The following SEPTIN9 variants were observed in gnomAD, a reference collection of about 807,000 sequenced individuals.
SEPTIN9 encodes septin-9.
Under a neutral mutation model 56.6 loss-of-function variants are expected in SEPTIN9, and 13 were observed. The ratio of observed to expected loss-of-function variants is 0.23; its 90% confidence interval spans 0.15 to 0.37. SEPTIN9 has a LOEUF of 0.37. SEPTIN9 is among the 10% of genes least tolerant of loss of function. The pLI, the probability that SEPTIN9 is intolerant of heterozygous loss-of-function variation, is 1.00. For missense variants in SEPTIN9, 650 were observed against 823.1 expected (o/e 0.79, Z 2.57); for synonymous variants, 332 against 334.1 (o/e 0.99, Z 0.07).
intron 10 of SEPTIN9, among the ~76,000 whole-genome samples, chr17:77,496,677 G>T (rs1161099746): frequency 1.3e-5 from 2 of 152,240 alleles, no homozygotes; most frequent in Non-Finnish European, 2.9e-5. Context: ...CCGAGCTTGG[G>T]CTTGTATGTA....
In SEPTIN9 at chr17:77,320,328, T is replaced by A. The variant is rs1041390598; in HGVS notation, c.76+13131T>A. The A allele has an allele frequency of 1.2e-6, 2 of 1,613,104 alleles. No homozygotes were observed. Among genetic ancestry groups the A allele is most frequent in the Non-Finnish European group, 1.7e-6 (2 of 1,179,870 alleles). On this transcript the variant is annotated intron_variant, in intron 2 of 11. Transcript: ENST00000427177. ...CCGCTGCTAAATATATCCGTAGGAATGGAGAGGGACCGGATCTCAGGTACG... is the reference window on the plus strand; with the variant it reads ...CCGCTGCTAAATATATCCGTAGGAAAGGAGAGGGACCGGATCTCAGGTACG...
rs1598460509 is a variant in SEPTIN9, at chr17:77,487,547, C to T, written c.1037C>T (p.Thr346Met). Reference sequence around the variant, plus strand: ...AAGACCATCGAGATCAAGTCCATCACGCACGGTCAGTGGCCGGGAGTGGGC... The same window carrying T: ...AAGACCATCGAGATCAAGTCCATCATGCACGGTCAGTGGCCGGGAGTGGGC... ...IPKTIEIKSI[T>M]HDIEEKGVRM... Residue 346 changes from threonine to methionine, a missense_variant, in exon 5 of 12, where the codon ACG (threonine) becomes ATG (methionine). Physicochemically the swap from Thr to Met is moderately conservative, Grantham distance 81. This residue lies in a region of SEPTIN9 where 333 missense variants were observed against 494.0 expected (regional missense o/e 0.67). Coordinates refer to ENST00000427177, the MANE Select transcript of SEPTIN9 (RefSeq NM_001113491.2). The surrounding 1 kb of genome is among the most constrained non-coding windows in gnomAD (Gnocchi z 4.3). 4 of 1,613,370 alleles carry T rather than the reference C, an allele frequency of 2.5e-6. No individual in the cohort carries two copies. The highest frequency in any genetic ancestry group is 3.4e-6 in the Non-Finnish European group (4 of 1,179,836).
At chr17:77,466,523 G>A (rs1397471256) in intron 3 of SEPTIN9, 56 of 985,380 alleles carry the variant, frequency 5.7e-5, no homozygotes, top group Non-Finnish European at 6.4e-5. Context: ...AGGAAGAAGC[G>A]GGCATTTCTT....
rs147352244 is a variant in SEPTIN9, at chr17:77,353,545, A to C, written c.76+46348A>C. 3.6e-3 allele frequency among the ~76,000 whole-genome samples: 550 copies of C among 152,246 alleles called. 1 individual carries two copies. The highest frequency in any genetic ancestry group is 6.8e-3 in the Middle Eastern group (2 of 294). On this transcript the variant is annotated intron_variant, in intron 2 of 11. Transcript: ENST00000427177. ...TTCAGGAGTGCATAGAAGGGACCTC[A>C]GAGGTCCCTGCCAATACCATCTTTG...
intron 3 of SEPTIN9, among the ~76,000 whole-genome samples, chr17:77,481,649 T>C (rs1420754658): frequency 2.1e-4 from 32 of 150,898 alleles, no homozygotes; most frequent in Admixed American, 2.1e-3. Context: ...GGCTCGTGGA[T>C]CGGCTTCTAA....
chr17:77,311,032 A>G (rs987766555), intron 2 of SEPTIN9, among the ~76,000 whole-genome samples: 5 of 152,120 alleles, frequency 3.3e-5, no homozygotes, highest in Non-Finnish European at 7.3e-5. Flanking sequence ...GTCTTTGCAG[A>G]TGTAAGTAGT....
rs111385487 is a variant in SEPTIN9, at chr17:77,415,638, A to G, written c.721+12935A>G. On this transcript the variant is annotated intron_variant, in intron 3 of 11. Transcript: ENST00000427177. Reference sequence around the variant, plus strand: ...GTGAGACTATGTCTCAAAAAAAAAAAAAAAAAGAAAAAAAAAGAAATCTCC... The same window carrying G: ...GTGAGACTATGTCTCAAAAAAAAAAGAAAAAAGAAAAAAAAAGAAATCTCC... Among the ~76,000 whole-genome samples the G allele has an allele frequency of 9.2e-3, 962 of 104,890 alleles. 19 individuals carry two copies. Among genetic ancestry groups the G allele is most frequent in the African/African-American group, 0.033 (908 of 27,528 alleles). 68.8% of individuals were successfully genotyped at this position (104,890 alleles called of 152,430 possible).
intron 7 of SEPTIN9, 148 bp from the exon 8 acceptor site, chr17:77,490,594 C>T (rs536295661): frequency 1.8e-4 from 122 of 666,012 alleles, no homozygotes; most frequent in African/African-American, 1.3e-3. Flanking sequence ...ACAGCGTGGC[C>T]GACTCGGCCC....
intron 1 of SEPTIN9, among the ~76,000 whole-genome samples, chr17:77,303,321 G>T (rs546650677): frequency 6.6e-6 from 1 of 151,342 alleles, no homozygotes; most frequent in Non-Finnish European, 1.5e-5. Flanking sequence ...GGCTGGTCTC[G>T]AACTGACCTC....
chr17:77,423,316 G>A (rs749067385), intron 3 of SEPTIN9, among the ~76,000 whole-genome samples: 1 of 152,200 alleles, frequency 6.6e-6, no homozygotes, highest in Non-Finnish European at 1.5e-5. Flanking sequence ...GACTACAGGC[G>A]TGAGCCACTG....
At chr17:77,406,905 G>A (rs1280455835) in intron 3 of SEPTIN9, among the ~76,000 whole-genome samples, 1 of 151,920 alleles carries the variant, frequency 6.6e-6, no homozygotes, top group Admixed American at 6.6e-5. Context: ...TCCTGACCTC[G>A]TGACCCACCC....
At chr17:77,464,136 C>T (rs1262037695) in intron 3 of SEPTIN9, among the ~76,000 whole-genome samples, 2 of 152,040 alleles carry the variant, frequency 1.3e-5, no homozygotes, top group South Asian at 2.1e-4. Flanking sequence ...TGCAGTGGCA[C>T]GATCTCGGCT....
chr17:77,344,120 C>T (rs1049077683), intron 2 of SEPTIN9, among the ~76,000 whole-genome samples: 2 of 152,018 alleles, frequency 1.3e-5, no homozygotes, highest in African/African-American at 4.8e-5. Context: ...ATTTGAAAAT[C>T]GTATATCCGA....
At chr17:77,312,656 A>T (rs1415949275) in intron 2 of SEPTIN9, among the ~76,000 whole-genome samples, 3 of 152,086 alleles carry the variant, frequency 2.0e-5, no homozygotes. Context: ...TTGATAGGAG[A>T]TGCTTGGGAG....
rs185888002 is a variant in SEPTIN9, at chr17:77,491,530, G to A, written c.1380+671G>A. ...GTTTTTATTAGATGGAAGAGAAGCT[G>A]GGCCAGGTGTGGTGGCTCACGCCTG... is the stretch of plus-strand genomic sequence containing the variant. On this transcript the variant is annotated intron_variant, in intron 8 of 11. Transcript: ENST00000427177. 1.0e-3 allele frequency among the ~76,000 whole-genome samples: 155 copies of A among 151,422 alleles called. 3 individuals are homozygous for A. The East Asian group carries it at 0.03, about 29-fold the overall frequency.
chr17:77,489,051 A>G (rs577590390), intron 7 of SEPTIN9, among the ~76,000 whole-genome samples, 187 bp downstream of exon 7: 2 of 103,104 alleles, frequency 1.9e-5, no homozygotes, highest in Admixed American at 8.5e-5. Context: ...ACTGACCCCT[A>G]TGCAAGTGTC....
At chr17:77,384,636 C>G (rs537119173) in intron 2 of SEPTIN9, among the ~76,000 whole-genome samples, 1 of 151,978 alleles carries the variant, frequency 6.6e-6, no homozygotes, top group East Asian at 1.9e-4. Flanking sequence ...CCAGAACCAC[C>G]AAGAGTTGGG....
At chr17:77,299,490 G>A (rs1030557953) in intron 1 of SEPTIN9, among the ~76,000 whole-genome samples, 1 of 152,200 alleles carries the variant, frequency 6.6e-6, no homozygotes, top group African/African-American at 2.4e-5. Flanking sequence ...AATTGCTTGA[G>A]TCCAGGAGTT....
In SEPTIN9 at chr17:77,326,399, C is replaced by T. The variant is rs954009371; in HGVS notation, c.76+19202C>T. ...CAGTGGCAGGACAGAACCTGCGGTT[C>T]GTAGGACCAGGTCAGGAGGGCTGCC... On this transcript the variant is annotated intron_variant, in intron 2 of 11. Coordinates refer to ENST00000427177, the MANE Select transcript of SEPTIN9 (RefSeq NM_001113491.2). The surrounding 1 kb of genome is among the most constrained non-coding windows in gnomAD (Gnocchi z 5.1). Among the ~76,000 whole-genome samples, 7 of 152,152 alleles carry T rather than the reference C, an allele frequency of 4.6e-5. No homozygotes were observed. The East Asian group carries it at 9.6e-4, about 21-fold the overall frequency.
Sources: gnomAD v4.1 joint callset for allele counts (sites outside exome capture counted in the v4.1 genomes callset) on GRCh38, gnomAD v4.1.1 for gene constraint, gnomAD v4.1.1 regional missense constraint, Gnocchi (gnomAD v3.1) non-coding constraint, MANE v1.5 for transcripts, NCBI Gene and HGNC (gene_info 2026-07-23, HGNC 2026-07-21) for gene names.